The following MRPS28 variants were observed in gnomAD, a reference collection of about 807,000 sequenced individuals.
MRPS28 encodes the protein small ribosomal subunit protein bS1m.
MRPS28 carries 7 observed loss-of-function variants against 10.8 expected under a neutral mutation model. The ratio of observed to expected loss-of-function variants is 0.65; its 90% confidence interval spans 0.37 to 1.22. MRPS28 has a LOEUF of 1.22. MRPS28 is among the 50% of genes most tolerant of loss of function. MRPS28 has a pLI of 0.02. For missense variants in MRPS28, 265 were observed against 232.9 expected, an observed-to-expected ratio of 1.14 and a Z score of -0.90; for synonymous variants, 121 against 93.3, an observed-to-expected ratio of 1.30 and a Z score of -1.71.
intron 2 of MRPS28, among the ~76,000 whole-genome samples, chr8:79,934,312 C>T (rs1434330297): frequency 6.6e-6 from 1 of 152,144 alleles, no homozygotes; most frequent in Non-Finnish European, 1.5e-5. Context: ...ATCTCTAATT[C>T]AGCAACCCCA....
At chr8:79,993,374 A>T (rs1337209035) in intron 2 of MRPS28, among the ~76,000 whole-genome samples, 1 of 152,210 alleles carries the variant, frequency 6.6e-6, no homozygotes, top group Non-Finnish European at 1.5e-5. Context: ...AGCTATACAT[A>T]TGTGAATATG....
intron 2 of MRPS28, among the ~76,000 whole-genome samples, chr8:79,946,086 T>G (rs1418385517): frequency 1.3e-5 from 2 of 152,168 alleles, no homozygotes; most frequent in Non-Finnish European, 2.9e-5. Flanking sequence ...GATGTAAACC[T>G]AAAAACCCTC....
In MRPS28 at chr8:79,987,007, G is replaced by A. The variant is rs1161008054; in HGVS notation, c.395+15992C>T. Among the ~76,000 whole-genome samples the A allele has an allele frequency of 3.6e-3, 550 of 152,126 alleles. 1 individual carries two copies. The highest frequency in any genetic ancestry group is 0.013 in the African/African-American group (525 of 41,514). On this transcript the variant is annotated intron_variant, in intron 2 of 2. Transcript: ENST00000276585. ...AAAAGAACAAAGCTGGAGGCATCACGCTACCTGACTTCAAACTATACTACA... is the reference window on the plus strand; with the variant it reads ...AAAAGAACAAAGCTGGAGGCATCACACTACCTGACTTCAAACTATACTACA...
intron 2 of MRPS28, among the ~76,000 whole-genome samples, chr8:79,943,322 A>G (rs949814638): frequency 1.3e-5 from 2 of 152,254 alleles, no homozygotes; most frequent in East Asian, 3.8e-4. Context: ...GAAGGAATAC[A>G]ACTAATTTCT....
At chr8:79,977,556 C>T (rs1413167329) in intron 2 of MRPS28, among the ~76,000 whole-genome samples, 1 of 152,176 alleles carries the variant, frequency 6.6e-6, no homozygotes, top group Non-Finnish European at 1.5e-5. Context: ...GTGGCTGTCA[C>T]CTGCAATCCC....
chr8:80,021,584 T>C (rs1250853426), intron 1 of MRPS28, among the ~76,000 whole-genome samples: 1 of 152,208 alleles, frequency 6.6e-6, no homozygotes. Flanking sequence ...GACTAAAGGC[T>C]AAGGTATGCA....
At chr8:79,981,290 A>G (rs1807946324) in intron 2 of MRPS28, among the ~76,000 whole-genome samples, 1 of 152,078 alleles carries the variant, frequency 6.6e-6, no homozygotes, top group Non-Finnish European at 1.5e-5. Flanking sequence ...TGATCACTGC[A>G]CTCCAGCCTG....
chr8:79,923,936 ATTCT>A (rs1453536964), intron 2 of MRPS28, among the ~76,000 whole-genome samples: 32 of 152,206 alleles, frequency 2.1e-4, no homozygotes, highest in Admixed American at 2.1e-3. Flanking sequence ...GGTTTCTGAC[ATTCT>A]TTCCACAGAC....
intron 2 of MRPS28, among the ~76,000 whole-genome samples, chr8:79,922,260 ATC>A (rs1325080638): frequency 1.3e-5 from 2 of 152,148 alleles, no homozygotes; most frequent in African/African-American, 4.8e-5. Context: ...ACCCCACATG[ATC>A]TCTCACTTAT....
At chr8:79,940,085 T>A (rs574532996) in intron 2 of MRPS28, among the ~76,000 whole-genome samples, 1 of 152,172 alleles carries the variant, frequency 6.6e-6, no homozygotes, top group Non-Finnish European at 1.5e-5. Context: ...GGGGGATATG[T>A]TGAAAGCTGA....
At position 79,946,902 on chromosome 8, in the gene MRPS28, T is replaced by C. The variant is rs189244340; in HGVS notation, c.396-27754A>G. On this transcript the variant is annotated intron_variant, in intron 2 of 2. Transcript: ENST00000276585. Reference sequence around the variant, plus strand: ...CTTAATAGACAAAAAAGAAAATCAGTAACTTCGTAGTCTTATACTATAATA... The same window carrying C: ...CTTAATAGACAAAAAAGAAAATCAGCAACTTCGTAGTCTTATACTATAATA... Among the ~76,000 whole-genome samples, 1,004 of 152,256 alleles carry C rather than the reference T, an allele frequency of 6.6e-3. 9 individuals carry two copies. The highest frequency in any genetic ancestry group is 0.024 in the Middle Eastern group (7 of 294).
chr8:80,026,429 G>C (rs751842258), intron 1 of MRPS28, among the ~76,000 whole-genome samples: 2 of 152,132 alleles, frequency 1.3e-5, no homozygotes, highest in Non-Finnish European at 1.5e-5. Context: ...TACTATTCTT[G>C]TACAATTGTT....
intron 2 of MRPS28, among the ~76,000 whole-genome samples, chr8:79,948,116 C>CAGCT (rs2129958804): frequency 6.6e-6 from 1 of 151,464 alleles, no homozygotes; most frequent in East Asian, 1.9e-4. Context: ...GCCTCCTGAG[C>CAGCT]AGCTAGTGCT....
intron 2 of MRPS28, among the ~76,000 whole-genome samples, chr8:79,944,181 C>A (rs1806840752): frequency 6.6e-6 from 1 of 152,180 alleles, no homozygotes; most frequent in Admixed American, 6.5e-5. Context: ...TTTTAAAGAT[C>A]TGACTCATCC....
intron 1 of MRPS28, among the ~76,000 whole-genome samples, chr8:80,010,220 C>T (rs888185586): frequency 5.9e-5 from 9 of 152,082 alleles, no homozygotes; most frequent in Non-Finnish European, 8.8e-5. Flanking sequence ...GTGGTGTGTG[C>T]AATTTGGTAC....
intron 2 of MRPS28, among the ~76,000 whole-genome samples, chr8:79,977,450 C>A (rs546508183): frequency 7.2e-4 from 109 of 152,230 alleles, no homozygotes; most frequent in African/African-American, 2.5e-3. Flanking sequence ...TGATTTAAAG[C>A]TTTAATCTAA....
chr8:79,983,354 A>G (rs1193856531), intron 2 of MRPS28, among the ~76,000 whole-genome samples: 1 of 152,146 alleles, frequency 6.6e-6, no homozygotes, highest in Non-Finnish European at 1.5e-5. Context: ...GGAAACTCTA[A>G]AAAGCAGAGC....
At chr8:80,021,350 T>C (rs1288639541) in intron 1 of MRPS28, among the ~76,000 whole-genome samples, 1 of 152,196 alleles carries the variant, frequency 6.6e-6, no homozygotes, top group East Asian at 1.9e-4. Context: ...AAAAATTTAT[T>C]AATGAAGGGA....
intron 1 of MRPS28, among the ~76,000 whole-genome samples, chr8:80,010,933 CA>C (rs1809023815): frequency 6.6e-6 from 1 of 152,142 alleles, no homozygotes; most frequent in Non-Finnish European, 1.5e-5. Flanking sequence ...GAATGTATGC[CA>C]TGAGCAATCA....
Sources: allele counts gnomAD v4.1 joint callset (sites outside exome capture counted in the v4.1 genomes callset), GRCh38; gene constraint gnomAD v4.1.1; transcripts MANE v1.5; gene names NCBI Gene and HGNC (gene_info 2026-07-23, HGNC 2026-07-21).